Variants in DST observed in about 807,000 individuals in gnomAD.
DST encodes the protein dystonin.
In DST, 253 loss-of-function variants were observed where a neutral mutation model predicts 875.2. The observed-to-expected ratio is 0.29, with a 90% CI of 0.26 to 0.32. The LOEUF is 0.32. DST is among the 10% of genes least tolerant of loss of function. The pLI, the probability that DST is intolerant of heterozygous loss-of-function variation, is 1.00. For synonymous variants in DST, 3,124 were observed against 3,197.1 expected, an observed-to-expected ratio of 0.98 and a Z score of 0.77; for missense variants, 8,287 against 9,111.6, an observed-to-expected ratio of 0.91 and a Z score of 3.68.
chr6:56,923,256 A>G (rs1259851597), intron 2 of DST, among the ~76,000 whole-genome samples: 2 of 152,106 alleles, frequency 1.3e-5, no homozygotes, highest in Non-Finnish European at 2.9e-5. Context: ...AGGAGAAATT[A>G]TTGATTTTAA....
chr6:56,672,702 G>T (rs1464314848), intron 9 of DST, among the ~76,000 whole-genome samples: 1 of 151,992 alleles, frequency 6.6e-6, no homozygotes, highest in East Asian at 1.9e-4. Context: ...ATACCATGTT[G>T]TGAGAATTCA....
chr6:56,949,836 A>G (rs542611984), intron 2 of DST, among the ~76,000 whole-genome samples: 69 of 152,328 alleles, frequency 4.5e-4, no homozygotes, highest in African/African-American at 1.5e-3. Context: ...TGAAAGATGA[A>G]AATTTAATGA....
chr6:56,582,406 T>C (rs556923420), intron 49 of DST, among the ~76,000 whole-genome samples: 1 of 152,126 alleles, frequency 6.6e-6, no homozygotes, highest in East Asian at 1.9e-4. Flanking sequence ...TCTCTCCCTC[T>C]CTCTCTCTCT....
At chr6:56,675,842 C>T (rs937472837) in intron 9 of DST, among the ~76,000 whole-genome samples, 1 of 151,860 alleles carries the variant, frequency 6.6e-6, no homozygotes, top group Non-Finnish European at 1.5e-5. Flanking sequence ...GAGAGCAATG[C>T]TCCATCTCAA....
chr6:56,610,321 C>T lies in DST; in HGVS notation c.5283+106G>A, dbSNP rs116707823. ...ATAAACTCAATCCCTATTTTAACTA[C>T]GTACAAAATTCAAGGTCATTTCTTT... On this transcript the variant is annotated intron_variant, in intron 39 of 103. Coordinates refer to ENST00000680361, the MANE Select transcript of DST (RefSeq NM_001374736.1). 12,618 of 823,036 alleles carry T rather than the reference C, an allele frequency of 0.015. 122 individuals are homozygous for T. Among genetic ancestry groups the T allele is most frequent in the Non-Finnish European group, 0.018 (10,030 of 552,880 alleles). 51.0% of individuals were successfully genotyped at this position (823,036 alleles called of 1,614,324 possible).
intron 4 of DST, among the ~76,000 whole-genome samples, chr6:56,783,147 T>C (rs1427127445): frequency 1.3e-5 from 2 of 152,188 alleles, no homozygotes; most frequent in Non-Finnish European, 2.9e-5. Flanking sequence ...CTTCCAACTA[T>C]GTGGTCAGTT....
In DST at chr6:56,690,694, G is replaced by A. The variant is rs150070456; in HGVS notation, c.1047+8959C>T. The stretch of plus-strand genomic sequence containing the variant: ...GAATGTTGGTTAATCAGTCATTTCC[G>A]GGATGAAATGCCAATGAAGCGGCTG... On this transcript the variant is annotated intron_variant, in intron 9 of 103. Coordinates refer to ENST00000680361, the MANE Select transcript of DST (RefSeq NM_001374736.1). Among the ~76,000 whole-genome samples, 147 of 152,284 alleles carry A rather than the reference G, an allele frequency of 9.7e-4. 2 individuals carry two copies. The highest frequency in any genetic ancestry group is 2.6e-3 in the African/African-American group (109 of 41,564).
rs555473872 is a variant in DST, at chr6:56,916,823, C to CACACACACACACAGAG, written c.217-16203_217-16202insCTCTGTGTGTGTGTGT. On this transcript the variant is annotated intron_variant, in intron 2 of 103. Transcript: ENST00000680361. ...ACACACACACACACACACACACACACAGAGAGACAGAGAGAGAAAAGCTAT... is the reference window on the plus strand; with the variant it reads ...ACACACACACACACACACACACACACACACACACACACAGAGAGAGAGACAGAGAGAGAAAAGCTAT... Among the ~76,000 whole-genome samples the CACACACACACACAGAG allele has an allele frequency of 2.8e-5, 4 of 140,772 alleles. No individual in the cohort carries two copies. The East Asian group carries it at 8.6e-4, about 30-fold the overall frequency. The allele number at this position is 140,772 out of a possible 152,430, so 92.4% of individuals were successfully genotyped here.
In DST at chr6:56,472,125, C is replaced by T; in HGVS notation, c.22092G>A (p.Gln7364=). Residue 7364 remains glutamine, a synonymous_variant, in exon 94 of 104, where the codon CAG becomes CAA. Transcript: ENST00000680361. ...TTTCCAACGCCAGGAGCCAGACTTG[C>T]TGCCATTTGCTCACCAGTAAGTTTA... ...PRVNLLVSKW[Q]QVWLLALERR... 6.2e-7 allele frequency: 1 copy of T among 1,613,952 alleles called. No homozygotes were observed. The highest frequency in any genetic ancestry group is 1.1e-5 in the South Asian group (1 of 91,082).
In DST at chr6:56,699,961, C is replaced by T. The variant is rs185213199; in HGVS notation, c.955-216G>A. 2.2e-4 allele frequency among the ~76,000 whole-genome samples: 34 copies of T among 152,310 alleles called. No individual in the cohort carries two copies. The East Asian group carries it at 6.4e-3, about 29-fold the overall frequency. ...AAGAAAGAGCAAGTATTATTGCATT[C>T]TTGTCTTCCACAGCAGGGATCCCCA... On this transcript the variant is annotated intron_variant, in intron 8 of 103. Transcript: ENST00000680361.
chr6:56,704,938 C>A (rs1440663741), intron 5 of DST, among the ~76,000 whole-genome samples: 2 of 152,156 alleles, frequency 1.3e-5, no homozygotes, highest in African/African-American at 2.4e-5. Context: ...CCAAACCCTT[C>A]CTCTGCACAA....
chr6:56,633,472 C>T (rs966054907), intron 27 of DST, among the ~76,000 whole-genome samples: 30 of 151,658 alleles, frequency 2.0e-4, no homozygotes, highest in African/African-American at 6.6e-4. Flanking sequence ...GTGATCCGCC[C>T]GCCTCGGCCT....
intron 36 of DST, chr6:56,619,325 TCTGCACA>T: frequency 6.2e-7 from 1 of 1,612,802 alleles, no homozygotes; most frequent in Non-Finnish European, 8.5e-7. Context: ...TTTTAGCATC[TCTGCACA>T]CTCATTACTT....
chr6:56,787,931 G>A (rs953429168), intron 4 of DST, among the ~76,000 whole-genome samples: 70 of 151,542 alleles, frequency 4.6e-4, no homozygotes, highest in Non-Finnish European at 5.7e-4. Context: ...CTGAGGTCAC[G>A]AGTTCAAGAC....
At chr6:56,771,958 T>C (rs1379931408) in intron 4 of DST, among the ~76,000 whole-genome samples, 1 of 152,202 alleles carries the variant, frequency 6.6e-6, no homozygotes, top group African/African-American at 2.4e-5. Context: ...ACAGGCAGAA[T>C]GACTTATATA....
chr6:56,768,638 T>C (rs2099640773), intron 4 of DST, among the ~76,000 whole-genome samples: 1 of 152,200 alleles, frequency 6.6e-6, no homozygotes, highest in African/African-American at 2.4e-5. Flanking sequence ...GATTTGATGA[T>C]GAATTTTTAA....
At chr6:56,654,356 TA>T (rs2098992433) in intron 10 of DST, among the ~76,000 whole-genome samples, 1 of 152,006 alleles carries the variant, frequency 6.6e-6, no homozygotes, top group African/African-American at 2.4e-5. Flanking sequence ...CAAGATAGCA[TA>T]AACTTTAAAT....
intron 52 of DST, among the ~76,000 whole-genome samples, chr6:56,572,512 G>A (rs1034802271): frequency 6.6e-6 from 1 of 152,154 alleles, no homozygotes; most frequent in African/African-American, 2.4e-5. Context: ...TGGTACGTAA[G>A]ATGATACTTA....
At chr6:56,920,636 A>G (rs1212241073) in intron 2 of DST, among the ~76,000 whole-genome samples, 3 of 151,962 alleles carry the variant, frequency 2.0e-5, no homozygotes, top group African/African-American at 7.3e-5. Context: ...ATGCAGCTTT[A>G]TTTTATAGAA....
Sources: gnomAD v4.1 joint callset for allele counts (sites outside exome capture counted in the v4.1 genomes callset) on GRCh38, gnomAD v4.1.1 for gene constraint, MANE v1.5 for transcripts, NCBI Gene and HGNC (gene_info 2026-07-23, HGNC 2026-07-21) for gene names.